The following DCC variants were observed in gnomAD, a reference collection of about 807,000 sequenced individuals.
DCC encodes the protein DCC netrin 1 receptor, also known as netrin receptor DCC.
DCC carries 58 observed loss-of-function variants against 172.5 expected under a neutral mutation model. The ratio of observed to expected loss-of-function variants is 0.34; its 90% confidence interval spans 0.27 to 0.42. The LOEUF (loss-of-function observed/expected upper bound fraction) is 0.42. Among genes scored for constraint, DCC ranks in the 10% least tolerant of loss-of-function variants. The probability of loss-of-function intolerance (pLI) is 1.00; values close to 1 mark genes in which losing one functional copy is unlikely to be tolerated. For missense variants in DCC, 1,740 were observed against 1,791.0 expected, an observed-to-expected ratio of 0.97 and a Z score of 0.51; for synonymous variants, 709 against 644.5, an observed-to-expected ratio of 1.10 and a Z score of -1.52.
At chr18:53,432,148 TAAA>T (rs1228790423) in intron 21 of DCC, among the ~76,000 whole-genome samples, 24 of 152,164 alleles carry the variant, frequency 1.6e-4, no homozygotes, top group African/African-American at 5.5e-4. Context: ...TAATAATAAT[TAAA>T]AAGCATTTTT....
At chr18:52,926,720 C>T (rs760937205) in intron 5 of DCC, among the ~76,000 whole-genome samples, 1 of 150,346 alleles carries the variant, frequency 6.7e-6, no homozygotes, top group Non-Finnish European at 1.5e-5. Flanking sequence ...TGTAATGGTT[C>T]GTTGATATCT....
intron 2 of DCC, among the ~76,000 whole-genome samples, chr18:52,791,075 G>T (rs1375613787): frequency 1.3e-5 from 2 of 152,112 alleles, no homozygotes; most frequent in African/African-American, 4.8e-5. Flanking sequence ...TGTGGTTGGA[G>T]CTGGCCCCAG....
chr18:52,790,703 C>T (rs1429502098), intron 2 of DCC, among the ~76,000 whole-genome samples: 1 of 152,158 alleles, frequency 6.6e-6, no homozygotes. Flanking sequence ...TATTTCTTCA[C>T]CTTCCCGATT....
intron 10 of DCC, among the ~76,000 whole-genome samples, chr18:53,206,019 T>C (rs1311560899): frequency 1.5e-5 from 2 of 134,724 alleles, no homozygotes; most frequent in African/African-American, 5.3e-5. Flanking sequence ...AAAATAGAAA[T>C]TGAGTTTCAT....
At chr18:52,672,693 C>G (rs1021689602) in intron 1 of DCC, among the ~76,000 whole-genome samples, 2 of 148,434 alleles carry the variant, frequency 1.3e-5, no homozygotes, top group East Asian at 4.2e-4. Context: ...TTCCTTCTTC[C>G]CTTGCAAAGA....
intron 5 of DCC, among the ~76,000 whole-genome samples, chr18:53,059,274 C>T (rs7244808): frequency 0.039 from 5,991 of 151,986 alleles, 373 homozygotes; most frequent in African/African-American, 0.13. Flanking sequence ...TGGGTGGAGA[C>T]GTAGCCAAAC....
intron 7 of DCC, among the ~76,000 whole-genome samples, chr18:53,085,117 A>T (rs114898085): frequency 6.6e-6 from 1 of 152,194 alleles, no homozygotes; most frequent in Non-Finnish European, 1.5e-5. Flanking sequence ...AGAAGGAAAC[A>T]GTCCCCACTG....
At chr18:53,078,954 A>G (rs1343975844) in intron 7 of DCC, among the ~76,000 whole-genome samples, 1 of 152,124 alleles carries the variant, frequency 6.6e-6, no homozygotes, top group East Asian at 1.9e-4. Context: ...TCCAGTTCCT[A>G]TTTAAGTTGA....
At chr18:52,868,522 A>G (rs1040574131) in intron 2 of DCC, among the ~76,000 whole-genome samples, 8 of 152,204 alleles carry the variant, frequency 5.3e-5, no homozygotes, top group Non-Finnish European at 1.2e-4. Context: ...GGCTGACTCC[A>G]TCTTGCTTCT....
At chr18:53,263,520 A>G (rs1036853398) in intron 12 of DCC, among the ~76,000 whole-genome samples, 7 of 152,182 alleles carry the variant, frequency 4.6e-5, no homozygotes, top group Admixed American at 3.9e-4. Flanking sequence ...TATTTTTAGA[A>G]AAATAAAATT....
intron 1 of DCC, among the ~76,000 whole-genome samples, chr18:52,653,005 G>A (rs1302153771): frequency 6.6e-6 from 1 of 152,096 alleles, no homozygotes; most frequent in African/African-American, 2.4e-5. Context: ...TACTTCTAAA[G>A]CACACTTTTT....
intron 1 of DCC, among the ~76,000 whole-genome samples, chr18:52,486,376 C>T (rs2030224619): frequency 6.6e-6 from 1 of 152,030 alleles, no homozygotes; most frequent in Non-Finnish European, 1.5e-5. Context: ...GGATAGAGTT[C>T]AGGGATATAG....
intron 3 of DCC, among the ~76,000 whole-genome samples, chr18:52,921,144 TA>T (rs1399969127): frequency 7.2e-4 from 20 of 27,634 alleles, no homozygotes; most frequent in Admixed American, 6.6e-4. Context: ...TTATGAAAAG[TA>T]AAGGGTGTAA....
At chr18:52,663,766 T>A (rs1598999218) in intron 1 of DCC, among the ~76,000 whole-genome samples, 1 of 152,260 alleles carries the variant, frequency 6.6e-6, no homozygotes, top group Non-Finnish European at 1.5e-5. Flanking sequence ...TTTAACAATG[T>A]TAAAGTGGAA....
At position 53,511,346 on chromosome 18, in the gene DCC, G is replaced by T. The variant is rs530523760; in HGVS notation, c.4111+11836G>T. On this transcript the variant is annotated intron_variant, in intron 27 of 28. Transcript: ENST00000442544. ...TACAAGAATATTCGACCTGCTAGCT[G>T]TAAACTGAAACAGACAGTAGAGAGG... is the stretch of plus-strand genomic sequence containing the variant. Among the ~76,000 whole-genome samples, 10 of 152,340 alleles carry T rather than the reference G, an allele frequency of 6.6e-5. No individual in the cohort carries two copies. The South Asian group carries it at 2.1e-3, about 32-fold the overall frequency.
chr18:53,187,252 G>A (rs1383218949), intron 9 of DCC, among the ~76,000 whole-genome samples: 1 of 151,422 alleles, frequency 6.6e-6, no homozygotes, highest in Non-Finnish European at 1.5e-5. Flanking sequence ...CGTCCCAAGT[G>A]GCTGGGATTA....
At chr18:52,759,419 A>G (rs1167780777) in intron 2 of DCC, among the ~76,000 whole-genome samples, 2 of 152,208 alleles carry the variant, frequency 1.3e-5, no homozygotes, top group African/African-American at 4.8e-5. Flanking sequence ...AAAAATTTTC[A>G]ACCTTTCATT....
chr18:52,817,565 A>G (rs1046995305), intron 2 of DCC, among the ~76,000 whole-genome samples: 1 of 152,226 alleles, frequency 6.6e-6, no homozygotes, highest in East Asian at 1.9e-4. Flanking sequence ...TGAGAATTAT[A>G]GAATCTTTTA....
intron 1 of DCC, among the ~76,000 whole-genome samples, chr18:52,652,212 G>A (rs1405350817): frequency 6.6e-6 from 1 of 152,160 alleles, no homozygotes; most frequent in Non-Finnish European, 1.5e-5. Context: ...ATCAAAGTAA[G>A]GGAGGAGGGA....
Sources: allele counts gnomAD v4.1 joint callset (sites outside exome capture counted in the v4.1 genomes callset), GRCh38; gene constraint gnomAD v4.1.1; transcripts MANE v1.5; gene names NCBI Gene and HGNC (gene_info 2026-07-23, HGNC 2026-07-21).